Variants in TENM2 observed in about 807,000 individuals in gnomAD.
TENM2 encodes teneurin-2.
TENM2 carries 52 observed loss-of-function variants against 245.2 expected under a neutral mutation model. The observed-to-expected ratio is 0.21, with a 90% CI of 0.17 to 0.27. The LOEUF (loss-of-function observed/expected upper bound fraction) is 0.27, where lower values mean the gene tolerates loss of function less well. TENM2 is among the 10% of genes least tolerant of loss of function. The pLI, the probability that TENM2 is intolerant of heterozygous loss-of-function variation, is 1.00. For synonymous variants in TENM2, 1,363 were observed against 1,438.9 expected, an observed-to-expected ratio of 0.95 and a Z score of 1.19; for missense variants, 3,046 against 3,666.8, an observed-to-expected ratio of 0.83 and a Z score of 4.37.
At chr5:167,505,351 A>G (rs1042955782) in intron 2 of TENM2, among the ~76,000 whole-genome samples, 3 of 152,190 alleles carry the variant, frequency 2.0e-5, no homozygotes, top group East Asian at 3.8e-4. Context: ...CTCCATTTAT[A>G]TTATTTTTTG....
the TENM2 span, among the ~76,000 whole-genome samples, chr5:167,125,513 A>G: frequency 1.3e-5 from 2 of 152,236 alleles, no homozygotes; most frequent in Admixed American, 1.3e-4. Flanking sequence ...AGACCCTTAT[A>G]GAGCCTATTT....
chr5:167,142,762 G>A, the TENM2 span, among the ~76,000 whole-genome samples: 7 of 152,154 alleles, frequency 4.6e-5, no homozygotes, highest in Non-Finnish European at 8.8e-5. Context: ...ATGTTGGCCA[G>A]GTTGGTCTCA....
At chr5:167,409,147 A>C (rs2127400525) in intron 2 of TENM2, among the ~76,000 whole-genome samples, 1 of 152,062 alleles carries the variant, frequency 6.6e-6, no homozygotes, top group South Asian at 2.1e-4. Context: ...CCTGTCTAGA[A>C]ACTGAGCAAT....
intron 2 of TENM2, among the ~76,000 whole-genome samples, chr5:167,606,029 C>T (rs1777018417): frequency 6.6e-6 from 1 of 152,140 alleles, no homozygotes; most frequent in African/African-American, 2.4e-5. Context: ...ACAACTAAGA[C>T]ATAGCTTGTT....
intron 4 of TENM2, among the ~76,000 whole-genome samples, chr5:167,987,745 C>T (rs535637869): frequency 1.9e-4 from 29 of 152,190 alleles, no homozygotes; most frequent in African/African-American, 4.8e-4. Context: ...TGGGACCAGG[C>T]GATCACTTGA....
At chr5:167,096,003 C>T in the TENM2 span, among the ~76,000 whole-genome samples, 2 of 152,058 alleles carry the variant, frequency 1.3e-5, no homozygotes, top group African/African-American at 4.8e-5. Flanking sequence ...AACTTCTGAC[C>T]TCAGGTGATC....
At chr5:168,232,269 T>C (rs1765001922) in intron 25 of TENM2, 1 of 152,018 alleles carries the variant, frequency 6.6e-6, no homozygotes, top group African/African-American at 2.4e-5. Flanking sequence ...AGGACGAGGA[T>C]TGGGCAACTA....
At chr5:167,340,702 TTGAC>T (rs1758044468) in intron 1 of TENM2, among the ~76,000 whole-genome samples, 2 of 152,216 alleles carry the variant, frequency 1.3e-5, no homozygotes, top group Non-Finnish European at 2.9e-5. Flanking sequence ...TTTATGAAGA[TTGAC>T]TGAATGTAAA....
chr5:167,769,201 C>T (rs1488852607), intron 2 of TENM2, among the ~76,000 whole-genome samples: 1 of 152,176 alleles, frequency 6.6e-6, no homozygotes, highest in Non-Finnish European at 1.5e-5. Context: ...GACTATGGTG[C>T]TTTGCACACA....
intron 2 of TENM2, among the ~76,000 whole-genome samples, chr5:167,459,334 T>C (rs1766136348): frequency 6.6e-6 from 1 of 152,240 alleles, no homozygotes; most frequent in Admixed American, 6.5e-5. Flanking sequence ...TCCTTCCTTT[T>C]GAAGGCTGAA....
the TENM2 span, among the ~76,000 whole-genome samples, chr5:167,158,934 CCT>C: frequency 4.4e-3 from 643 of 145,840 alleles, 9 homozygotes; most frequent in African/African-American, 0.016. Context: ...CTCTCTCTCT[CCT>C]TCTTTCTTTC....
At chr5:167,207,591 G>A in the TENM2 span, among the ~76,000 whole-genome samples, 5 of 152,006 alleles carry the variant, frequency 3.3e-5, no homozygotes, top group Non-Finnish European at 7.4e-5. Flanking sequence ...ACTACACAGG[G>A]GCTAGCAATT....
chr5:167,517,456 G>A (rs1049142339), intron 2 of TENM2, among the ~76,000 whole-genome samples: 2 of 152,124 alleles, frequency 1.3e-5, no homozygotes, highest in African/African-American at 4.8e-5. Context: ...TCTCAGAAGG[G>A]TGAAATTCCT....
At chr5:168,118,468 G>C (rs1416082850) in exon 10 of TENM2, 1 of 1,560,814 alleles carries the variant, frequency 6.4e-7, no homozygotes, top group Non-Finnish European at 8.7e-7. Context: ...TGGCTACAAA[G>C]GCGAGCACTG....
In TENM2 at chr5:167,470,580, G is replaced by T. The variant is rs148410994; in HGVS notation, c.502+95107G>T. Among the ~76,000 whole-genome samples, 265 of 150,262 alleles carry T rather than the reference G, an allele frequency of 1.8e-3. 9 individuals carry two copies. In the East Asian group the frequency reaches 0.048, roughly 27 times the overall value. On this transcript the variant is annotated intron_variant, in intron 2 of 28. Transcript: ENST00000518659. ...AAAATAGATTCTTTCTGAACTGTAG[G>T]ATTAAGGAAAGCATTATAATAATAT...
chr5:167,918,671 C>T (rs377516334), intron 3 of TENM2, among the ~76,000 whole-genome samples: 37 of 152,232 alleles, frequency 2.4e-4, no homozygotes, highest in East Asian at 2.1e-3. Flanking sequence ...GCAGGCTGAC[C>T]TCACTCTTAA....
chr5:168,101,435 C>A (rs1793806959), intron 9 of TENM2, among the ~76,000 whole-genome samples: 1 of 152,020 alleles, frequency 6.6e-6, no homozygotes, highest in Admixed American at 6.5e-5. Flanking sequence ...GTTTAAGAAC[C>A]CTTTGCTCTA....
the TENM2 span, among the ~76,000 whole-genome samples, chr5:167,088,782 G>A: frequency 6.6e-6 from 1 of 152,126 alleles, no homozygotes; most frequent in Non-Finnish European, 1.5e-5. Flanking sequence ...ATTGCATAAT[G>A]ATATTCAGTA....
chr5:168,197,699 C>CAAA (rs71593165), intron 15 of TENM2, among the ~76,000 whole-genome samples: 3 of 83,686 alleles, frequency 3.6e-5, no homozygotes, highest in African/African-American at 7.7e-5. Flanking sequence ...GACTCCATCC[C>CAAA]AAAAAAAAAA....
Sources: gnomAD v4.1 joint callset for allele counts (sites outside exome capture counted in the v4.1 genomes callset) on GRCh38, gnomAD v4.1.1 for gene constraint, MANE v1.5 for transcripts, NCBI Gene and HGNC (gene_info 2026-07-23, HGNC 2026-07-21) for gene names.